Variants in CHST4 observed in about 807,000 individuals in gnomAD.
CHST4 encodes the protein carbohydrate sulfotransferase 4.
For missense variants in CHST4, 466 were observed against 506.0 expected (o/e 0.92, Z 0.76); for synonymous variants, 171 against 195.5 (o/e 0.87, Z 1.05).
At chr16:71,532,462 T>C (rs907701134) in intron 1 of CHST4, among the ~76,000 whole-genome samples, 11 of 152,342 alleles carry the variant, frequency 7.2e-5, no homozygotes, top group South Asian at 2.1e-4. Context: ...ATGATCCTCA[T>C]TGGATCTTTT....
chr16:71,530,185 T>G (rs2043937503), intron 1 of CHST4, among the ~76,000 whole-genome samples: 1 of 151,916 alleles, frequency 6.6e-6, no homozygotes, highest in African/African-American at 2.4e-5. Flanking sequence ...AGACAGAACT[T>G]CTTTCAGGGA....
Position 71,537,738 on chromosome 16 carries a change from T to G in CHST4, c.1061T>G (p.Met354Arg). The change falls in exon 2 of 2, where the codon ATG becomes AGG. Residue 354 changes from methionine (M) to arginine (R), a missense_variant. By Grantham distance (91) the Met-to-Arg change is moderately conservative (BLOSUM62 -1). Coordinates refer to ENST00000539698, the MANE Select transcript of CHST4 (RefSeq NM_001166395.2). This position sits in a 1 kb window ranked among gnomAD's most constrained non-coding sequence, Gnocchi z 4.2. ...SRLQKACGDA[M>R]NLLGYRHVRS... ...CTTCAGAAAGCCTGTGGCGATGCCA[T>G]GAATTTGCTGGGCTACCGCCACGTC... 6.2e-7 allele frequency: 1 copy of G among 1,614,264 alleles called. No individual in the cohort carries two copies. Among genetic ancestry groups the G allele is most frequent in the South Asian group, 1.1e-5 (1 of 91,090 alleles).
At chr16:71,528,143 G>T (rs537412267) in intron 1 of CHST4, among the ~76,000 whole-genome samples, 1 of 151,596 alleles carries the variant, frequency 6.6e-6, no homozygotes, top group Admixed American at 6.6e-5. Flanking sequence ...CAGGTCACTC[G>T]GGAGGCTGAG....
intron 1 of CHST4, among the ~76,000 whole-genome samples, chr16:71,532,697 T>A (rs962903326): frequency 3.3e-5 from 5 of 152,174 alleles, no homozygotes; most frequent in Admixed American, 3.3e-4. Context: ...TAAAATCTAC[T>A]CTCACAGGTC....
At chr16:71,530,149 T>TAA (rs748094582) in intron 1 of CHST4, among the ~76,000 whole-genome samples, 1 of 142,202 alleles carries the variant, frequency 7.0e-6, no homozygotes, top group Non-Finnish European at 1.5e-5. Flanking sequence ...AAAATAAAAT[T>TAA]AAAAAAAAAA....
In CHST4 at chr16:71,537,190, C is replaced by G. The variant is rs149058530; in HGVS notation, c.513C>G (p.Tyr171Ter). The change falls in exon 2 of 2, where the codon TAC becomes TAG. Residue 171 changes from tyrosine (Y) to a stop codon, truncating the protein, a stop_gained. Transcript: ENST00000539698. LOFTEE classifies it low-confidence loss of function (END_TRUNC). This position sits in a 1 kb window ranked among gnomAD's most constrained non-coding sequence, Gnocchi z 4.2. Reference sequence around the variant, plus strand: ...TGGTGGAGAAGGCCTGCCGCTCCTACAGCCACGTGGTGCTCAAGGAGGTGC... The same window carrying G: ...TGGTGGAGAAGGCCTGCCGCTCCTAGAGCCACGTGGTGCTCAAGGAGGTGC... Reference protein sequence around the residue: ...FEVVEKACRSYSHVVLKEVRF... With the variant: ...FEVVEKACRS The G allele has an allele frequency of 6.2e-7, 1 of 1,614,190 alleles. No homozygotes were observed. Among genetic ancestry groups the G allele is most frequent in the Non-Finnish European group, 8.5e-7 (1 of 1,180,040 alleles).
intron 1 of CHST4, among the ~76,000 whole-genome samples, chr16:71,535,249 T>C (rs1434609493): frequency 6.6e-6 from 1 of 152,234 alleles, no homozygotes; most frequent in Non-Finnish European, 1.5e-5. Flanking sequence ...CTCGGCTTAC[T>C]ACAACCTCTG....
At position 71,537,401 on chromosome 16, in the gene CHST4, C is replaced by A. The variant is rs774643793; in HGVS notation, c.724C>A (p.Pro242Thr). The A allele has an allele frequency of 6.2e-7, 1 of 1,614,170 alleles. No individual in the cohort carries two copies. ...GCAAAAACTCAAGAAGGAGGACCAA[C>A]CCTACTATGTGATGCAGGTCATCTG... ...HEQKLKKEDQ[P>T]YYVMQVICQS... The change falls in exon 2 of 2, where the codon CCC becomes ACC. Residue 242 changes from proline (P) to threonine (T), a missense_variant. Physicochemically the swap from Pro to Thr is conservative, Grantham distance 38. Coordinates refer to ENST00000539698, the MANE Select transcript of CHST4 (RefSeq NM_001166395.2). The surrounding 1 kb of genome is among the most constrained non-coding windows in gnomAD (Gnocchi z 4.2).
At position 71,537,769 on chromosome 16, in the gene CHST4, T is replaced by C. The variant is rs757796546; in HGVS notation, c.1092T>C (p.Ser364=). 6.8e-6 allele frequency: 11 copies of C among 1,614,236 alleles called. No individual in the cohort carries two copies. Among genetic ancestry groups the C allele is most frequent in the Non-Finnish European group, 9.3e-6 (11 of 1,180,032 alleles). ...MNLLGYRHVR[S]EQEQRNLLLD... ...TGCTGGGCTACCGCCACGTCAGATC[T>C]GAACAAGAACAGAGAAACCTGTTGC... The change falls in exon 2 of 2, where the codon TCT becomes TCC. Residue 364 remains serine (S), a synonymous_variant. Transcript: ENST00000539698. The surrounding 1 kb of genome is among the most constrained non-coding windows in gnomAD (Gnocchi z 4.2).
At chr16:71,527,534 G>A (rs946348300) in intron 1 of CHST4, among the ~76,000 whole-genome samples, 1 of 152,170 alleles carries the variant, frequency 6.6e-6, no homozygotes. Context: ...ATCACCTGAG[G>A]CCAGGAGTTC....
chr16:71,528,513 C>T (rs955752784), intron 1 of CHST4, among the ~76,000 whole-genome samples: 6 of 152,188 alleles, frequency 3.9e-5, no homozygotes, highest in African/African-American at 1.2e-4. Context: ...ATCCTCCTGA[C>T]ACTGTCTAGG....
chr16:71,531,104 T>G (rs1402369919), intron 1 of CHST4, among the ~76,000 whole-genome samples: 1 of 152,058 alleles, frequency 6.6e-6, no homozygotes, highest in Non-Finnish European at 1.5e-5. Flanking sequence ...AGGTAGTTTT[T>G]GGCAGCAGTG....
At chr16:71,531,589 A>G (rs897702200) in intron 1 of CHST4, among the ~76,000 whole-genome samples, 1 of 152,124 alleles carries the variant, frequency 6.6e-6, no homozygotes, top group Non-Finnish European at 1.5e-5. Context: ...CAGCTTGGGG[A>G]GGAAACGGGC....
chr16:71,536,809 C>T lies in CHST4; in HGVS notation c.132C>T (p.His44=), dbSNP rs778197647. 53 of 1,531,682 alleles carry T rather than the reference C, an allele frequency of 3.5e-5. No homozygotes were observed. The highest frequency in any genetic ancestry group is 4.4e-5 in the Non-Finnish European group (50 of 1,140,196). 94.9% of individuals were successfully genotyped at this position (1,531,682 alleles called of 1,614,324 possible). The stretch of plus-strand genomic sequence containing the variant: ...TGAAGGCACAGCCCGAGCGCATGCA[C>T]GTGCTGGTTCTGTCTTCCTGGCGCT... The part of the protein sequence containing the change: ...LSMKAQPERM[H]VLVLSSWRSG... Residue 44 remains histidine, a synonymous_variant, in exon 2 of 2, where the codon CAC becomes CAT. Coordinates refer to ENST00000539698, the MANE Select transcript of CHST4 (RefSeq NM_001166395.2).
At chr16:71,531,420 G>A (rs1184129272) in intron 1 of CHST4, among the ~76,000 whole-genome samples, 1 of 152,220 alleles carries the variant, frequency 6.6e-6, no homozygotes, top group African/African-American at 2.4e-5. Flanking sequence ...TTGGGGCTCA[G>A]TGACAAGGGA....
intron 1 of CHST4, among the ~76,000 whole-genome samples, chr16:71,527,021 A>C (rs188306488): frequency 6.6e-6 from 1 of 152,332 alleles, no homozygotes; most frequent in African/African-American, 2.4e-5. Context: ...ATTAAAGTTT[A>C]GTTTATTTAT....
chr16:71,529,107 G>GTTTTTTTTTTTTTTTTTT (rs397717246), intron 1 of CHST4, among the ~76,000 whole-genome samples: 2 of 136,104 alleles, frequency 1.5e-5, no homozygotes, highest in Non-Finnish European at 1.6e-5. Context: ...TTTGTTTTTT[G>GTTTTTTTTTTTTTTTTTT]TTTTTTTTTT....
chr16:71,533,917 C>CT (rs2043967505), intron 1 of CHST4, among the ~76,000 whole-genome samples: 1 of 151,858 alleles, frequency 6.6e-6, no homozygotes, highest in Non-Finnish European at 1.5e-5. Flanking sequence ...TGGCACGTGC[C>CT]TATAGTCCCA....
chr16:71,526,410 G>T (rs918864164), upstream of CHST4: 3 of 152,470 alleles, frequency 2.0e-5, no homozygotes, highest in Non-Finnish European at 4.4e-5. Context: ...GAAGCCAAGA[G>T]GGGAGTTGGT....
Sources: gnomAD v4.1 joint callset for allele counts (sites outside exome capture counted in the v4.1 genomes callset) on GRCh38, gnomAD v4.1.1 for gene constraint, Gnocchi (gnomAD v3.1) non-coding constraint, MANE v1.5 for transcripts, NCBI Gene and HGNC (gene_info 2026-07-23, HGNC 2026-07-21) for gene names.